The following ERC2 variants were observed in gnomAD, a reference collection of about 807,000 sequenced individuals.
ERC2 encodes ERC protein 2.
Under a neutral mutation model 114.8 loss-of-function variants are expected in ERC2, and 42 were observed. That is an observed-to-expected ratio of 0.37 (90% CI 0.29 to 0.47). The LOEUF (loss-of-function observed/expected upper bound fraction) is 0.47, where lower values mean the gene tolerates loss of function less well. ERC2 is among the 20% of genes least tolerant of loss of function. ERC2 has a pLI of 0.99. For missense variants in ERC2, 939 were observed against 1,150.7 expected (o/e 0.82, Z 2.66); for synonymous variants, 454 against 425.5 (o/e 1.07, Z -0.82).
At chr3:55,858,748 G>T (rs1038242031) in intron 14 of ERC2, among the ~76,000 whole-genome samples, 1 of 152,142 alleles carries the variant, frequency 6.6e-6, no homozygotes, top group South Asian at 2.1e-4. Context: ...TACAGCAGGC[G>T]CATCACATAG....
intron 2 of ERC2, among the ~76,000 whole-genome samples, chr3:56,325,053 C>CA (rs944403683): frequency 6.6e-6 from 1 of 151,836 alleles, no homozygotes; most frequent in Non-Finnish European, 1.5e-5. Flanking sequence ...CATTAGCCTG[C>CA]TTTTTTTTCC....
At chr3:55,853,782 A>T (rs1226587906) in intron 14 of ERC2, among the ~76,000 whole-genome samples, 1 of 152,226 alleles carries the variant, frequency 6.6e-6, no homozygotes, top group Non-Finnish European at 1.5e-5. Context: ...CAGTTATTAT[A>T]GAATGAGTGC....
Position 55,761,461 on chromosome 3 carries a change from C to G in ERC2, c.2565-26543G>C, listed in dbSNP as rs544666661. Among the ~76,000 whole-genome samples, 653 of 151,906 alleles carry G rather than the reference C, an allele frequency of 4.3e-3. 6 individuals are homozygous for G. The highest frequency in any genetic ancestry group is 0.015 in the African/African-American group (620 of 41,398). ...AGGCTTTCCATGTGTTATCTGGCAACCCTATTTATAGGCCATGGGTTTTCT... is the reference window on the plus strand; with the variant it reads ...AGGCTTTCCATGTGTTATCTGGCAAGCCTATTTATAGGCCATGGGTTTTCT... On this transcript the variant is annotated intron_variant, in intron 14 of 17. Coordinates refer to ENST00000288221, the MANE Select transcript of ERC2 (RefSeq NM_015576.3).
intron 14 of ERC2, among the ~76,000 whole-genome samples, chr3:55,773,953 C>T (rs2068415100): frequency 6.6e-6 from 1 of 152,084 alleles, no homozygotes; most frequent in South Asian, 2.1e-4. Context: ...CTCTTCCTTC[C>T]CCAAATTTGG....
intron 1 of ERC2, among the ~76,000 whole-genome samples, chr3:56,449,074 C>CA (rs34335399): frequency 0.53 from 58,876 of 112,134 alleles, 15,676 homozygotes; most frequent in Middle Eastern, 0.69. Context: ...GACTCCATCT[C>CA]AAAAAAAAAA....
intron 17 of ERC2, among the ~76,000 whole-genome samples, chr3:55,557,702 T>A (rs903718057): frequency 6.6e-6 from 1 of 152,226 alleles, no homozygotes; most frequent in Non-Finnish European, 1.5e-5. Context: ...AAACCTTACA[T>A]GGTCTGATCC....
chr3:55,975,727 A>C (rs2069532597), intron 12 of ERC2, among the ~76,000 whole-genome samples: 1 of 152,124 alleles, frequency 6.6e-6, no homozygotes, highest in Admixed American at 6.5e-5. Context: ...CTCAGTACTC[A>C]AGGCTTTCCT....
chr3:56,386,364 T>G (rs1310378993), intron 2 of ERC2, among the ~76,000 whole-genome samples: 1 of 152,184 alleles, frequency 6.6e-6, no homozygotes, highest in Non-Finnish European at 1.5e-5. Flanking sequence ...CCTATGATGG[T>G]TATGGAGATC....
chr3:55,972,780 CTT>C (rs2069267010), intron 12 of ERC2, among the ~76,000 whole-genome samples: 1 of 152,102 alleles, frequency 6.6e-6, no homozygotes, highest in Admixed American at 6.6e-5. Context: ...GAACTATCGT[CTT>C]TTGAGAGAAA....
intron 3 of ERC2, among the ~76,000 whole-genome samples, chr3:56,213,411 C>T (rs2049213417): frequency 6.6e-6 from 1 of 152,182 alleles, no homozygotes; most frequent in African/African-American, 2.4e-5. Context: ...CGGAGCCTCG[C>T]TCATTGCTAG....
At chr3:56,181,576 A>T (rs1320117651) in intron 3 of ERC2, among the ~76,000 whole-genome samples, 1 of 152,126 alleles carries the variant, frequency 6.6e-6, no homozygotes, top group East Asian at 1.9e-4. Context: ...AAAAAGAATT[A>T]CTCCTCAGGT....
intron 7 of ERC2, among the ~76,000 whole-genome samples, chr3:56,037,804 A>T (rs2074900608): frequency 6.6e-6 from 1 of 152,190 alleles, no homozygotes; most frequent in African/African-American, 2.4e-5. Flanking sequence ...GCCAGAGAGA[A>T]AGGTCAAGTC....
intron 17 of ERC2, among the ~76,000 whole-genome samples, chr3:55,589,249 G>A (rs1559703059): frequency 6.6e-6 from 1 of 151,192 alleles, no homozygotes; most frequent in Non-Finnish European, 1.5e-5. Flanking sequence ...GAGAGAGAAG[G>A]AGGTAAAATC....
At chr3:56,062,975 T>C (rs1454376599) in intron 7 of ERC2, among the ~76,000 whole-genome samples, 1 of 152,228 alleles carries the variant, frequency 6.6e-6, no homozygotes, top group Non-Finnish European at 1.5e-5. Flanking sequence ...CATATGGTTA[T>C]GACAGAGATT....
intron 17 of ERC2, among the ~76,000 whole-genome samples, chr3:55,649,590 A>AATCC (rs1412230880): frequency 6.6e-6 from 1 of 152,178 alleles, no homozygotes; most frequent in African/African-American, 2.4e-5. Flanking sequence ...CCTTTGTCCC[A>AATCC]ATCCAATGTA....
At chr3:56,301,606 T>A (rs934116166) in intron 2 of ERC2, among the ~76,000 whole-genome samples, 1 of 152,068 alleles carries the variant, frequency 6.6e-6, no homozygotes, top group Non-Finnish European at 1.5e-5. Context: ...CACAGTGGCA[T>A]ATGCCTATAG....
intron 17 of ERC2, among the ~76,000 whole-genome samples, chr3:55,665,900 A>G (rs1320689357): frequency 1.3e-5 from 2 of 152,152 alleles, no homozygotes; most frequent in Non-Finnish European, 2.9e-5. Flanking sequence ...AGGCTGAGCT[A>G]CTCAGTCAAG....
At chr3:55,857,160 G>A (rs965200672) in intron 14 of ERC2, among the ~76,000 whole-genome samples, 12 of 152,068 alleles carry the variant, frequency 7.9e-5, no homozygotes, top group African/African-American at 2.9e-4. Flanking sequence ...TGGTTACAAG[G>A]GTGAATTTTA....
At chr3:56,460,964 C>CAAAAA (rs35313545) in intron 1 of ERC2, among the ~76,000 whole-genome samples, 2 of 98,190 alleles carry the variant, frequency 2.0e-5, no homozygotes, top group Admixed American at 1.3e-4. Context: ...ACTAAAAATA[C>CAAAAA]AAAAAAAAAA....
Sources: gnomAD v4.1 joint callset for allele counts (sites outside exome capture counted in the v4.1 genomes callset) on GRCh38, gnomAD v4.1.1 for gene constraint, MANE v1.5 for transcripts, NCBI Gene and HGNC (gene_info 2026-07-23, HGNC 2026-07-21) for gene names.